The following RAB29 variants were observed in gnomAD, a reference collection of about 807,000 sequenced individuals.
RAB29 encodes the protein ras-related protein Rab-29.
In RAB29, 13 loss-of-function variants were observed where a neutral mutation model predicts 25.5. The ratio of observed to expected loss-of-function variants is 0.51; its 90% CI spans 0.33 to 0.81. The LOEUF is 0.81. Ranked by LOEUF, RAB29 falls within the 30% of genes least tolerant of loss-of-function variation. RAB29 has a pLI of 0.02. For missense variants in RAB29, 201 were observed against 254.9 expected, an observed-to-expected ratio of 0.79 and a Z score of 1.44; for synonymous variants, 88 against 95.0, an observed-to-expected ratio of 0.93 and a Z score of 0.43.
intron 2 of RAB29, among the ~76,000 whole-genome samples, chr1:205,773,326 A>G (rs923478829): frequency 1.5e-4 from 23 of 152,374 alleles, no homozygotes; most frequent in African/African-American, 5.3e-4. Context: ...ACACTGAAAA[A>G]AAAATTAGCC....
chr1:205,772,921 G>T (rs1163823918), intron 2 of RAB29, among the ~76,000 whole-genome samples: 1 of 152,060 alleles, frequency 6.6e-6, no homozygotes, highest in African/African-American at 2.4e-5. Flanking sequence ...AAGGGGTGAT[G>T]GGGGAGAAGG....
intron 4 of RAB29, 130 bp downstream of exon 4, chr1:205,771,342 C>T (rs1490423061): frequency 3.8e-6 from 4 of 1,063,642 alleles, no homozygotes; most frequent in Non-Finnish European, 5.8e-6. Flanking sequence ...CCTCAACATC[C>T]TTTGAAGGAG....
chr1:205,770,587 C>T (rs1654936507), intron 5 of RAB29, 134 bp from the exon 6 acceptor site: 1 of 1,433,444 alleles, frequency 7.0e-7, no homozygotes, highest in East Asian at 2.4e-5. Flanking sequence ...CCAGTTATCT[C>T]AGGAAAGACA....
At position 205,770,752 on chromosome 1, in the gene RAB29, T is replaced by C; in HGVS notation, c.481A>G (p.Asn161Asp). The C allele has an allele frequency of 6.2e-7, 1 of 1,614,214 alleles. No homozygotes were observed. Among genetic ancestry groups the C allele is most frequent in the Non-Finnish European group, 8.5e-7 (1 of 1,180,040 alleles). The part of the protein sequence containing the change: ...WTETSVKENK[N>D]INEAMRVLIE... ...ACTTACCTCATAGCCTCATTAATAT[T>C]TTTGTTCTCCTTGACTGATGTTTCT... The change falls in exon 5 of 6, where the codon AAT (asparagine) becomes GAT (aspartate). Residue 161 changes from asparagine to aspartate, a missense_variant. By Grantham distance (23) the Asn-to-Asp change is conservative. Transcript: ENST00000367139.
Position 205,770,322 on chromosome 1 carries a change from G to A in RAB29, c.*20C>T, listed in dbSNP as rs1654920506. 2.5e-6 allele frequency: 4 copies of A among 1,597,996 alleles called. No homozygotes were observed. The highest frequency in any genetic ancestry group is 3.4e-6 in the Non-Finnish European group (4 of 1,165,500). Reference sequence around the variant, plus strand: ...TTAAAAGACCTCCCAGAACTGGGATGGAAAATAAGCCAAACACTACTAGCA... The same window carrying A: ...TTAAAAGACCTCCCAGAACTGGGATAGAAAATAAGCCAAACACTACTAGCA... On this transcript the variant is annotated 3_prime_UTR_variant, in exon 6 of 6. Coordinates refer to ENST00000367139, the MANE Select transcript of RAB29 (RefSeq NM_003929.3).
In RAB29 at chr1:205,770,741, C is replaced by G. The variant is rs1181435594; in HGVS notation, c.492G>C (p.Glu164Asp). 3 of 1,613,984 alleles carry G rather than the reference C, an allele frequency of 1.9e-6. No homozygotes were observed. The highest frequency in any genetic ancestry group is 2.5e-6 in the Non-Finnish European group (3 of 1,180,018). ...CAGCATGAGCTACTTACCTCATAGCCTCATTAATATTTTTGTTCTCCTTGA... is the reference window on the plus strand; with the variant it reads ...CAGCATGAGCTACTTACCTCATAGCGTCATTAATATTTTTGTTCTCCTTGA... ...TSVKENKNINEAMRVLIEKMM... is the reference protein window; with the variant it reads ...TSVKENKNINDAMRVLIEKMM... Residue 164 changes from glutamate to aspartate, a missense_variant, in exon 5 of 6, where the codon GAG becomes GAC. Glu to Asp is a conservative substitution (Grantham distance 45). Transcript: ENST00000367139.
chr1:205,775,130 T>C (rs1655254164), intron 1 of RAB29, 44 bp from the exon 2 acceptor site: 1 of 839,520 alleles, frequency 1.2e-6, no homozygotes, highest in Middle Eastern at 3.1e-4. Flanking sequence ...GCACTCAACC[T>C]ATACGCGCTT....
chr1:205,770,937 A>T, intron 4 of RAB29, 83 bp from the exon 5 acceptor site: 1 of 1,512,042 alleles, frequency 6.6e-7, no homozygotes, highest in South Asian at 1.2e-5. Flanking sequence ...GTGGATTTTA[A>T]ACATATTTCC....
chr1:205,772,462 C>T, intron 3 of RAB29, 34 bp downstream of exon 3: 2 of 1,595,964 alleles, frequency 1.3e-6, no homozygotes, highest in South Asian at 1.1e-5. Context: ...ATCAAAATTT[C>T]TTCCCTTGTT....
rs536688808 is a variant in RAB29, at chr1:205,774,147, T to G, written c.124+686A>C. ...TTTGAGGAAAAAAGTGGTGGGAAGA[T>G]AGGTCAGAGAAGTGGTATATTTCAC... is the stretch of plus-strand genomic sequence containing the variant. On this transcript the variant is annotated intron_variant, in intron 2 of 5. Transcript: ENST00000367139. Among the ~76,000 whole-genome samples, 10 of 152,364 alleles carry G rather than the reference T, an allele frequency of 6.6e-5. No homozygotes were observed. The South Asian group carries it at 1.2e-3, about 19-fold the overall frequency.
At chr1:205,774,654 G>A (rs1016596470) in intron 2 of RAB29, among the ~76,000 whole-genome samples, 179 bp downstream of exon 2, 9 of 152,174 alleles carry the variant, frequency 5.9e-5, no homozygotes, top group African/African-American at 1.9e-4. Context: ...AAACTCAAGA[G>A]AGGCGTGTAA....
At chr1:205,773,706 T>G (rs1468047303) in intron 2 of RAB29, among the ~76,000 whole-genome samples, 1 of 152,070 alleles carries the variant, frequency 6.6e-6, no homozygotes, top group Admixed American at 6.6e-5. Flanking sequence ...GGTCTTGCCA[T>G]GTTTCCCATG....
rs201948511 is a variant in RAB29, at chr1:205,769,436, CT to C, written c.*905del. The C allele has an allele frequency of 3.4e-5, 5 of 148,958 alleles. No homozygotes were observed. Among genetic ancestry groups the C allele is most frequent in the Admixed American group, 6.7e-5 (1 of 14,932 alleles). 9.2% of individuals were successfully genotyped at this position (148,958 alleles called of 1,614,324 possible). On this transcript the variant is annotated 3_prime_UTR_variant, in exon 6 of 6. Coordinates refer to ENST00000367139, the MANE Select transcript of RAB29 (RefSeq NM_003929.3). ...AGTTTAAAAATGACTATTCTTTTTT[CT>C]TTTTTTTTTGAGACGGAGTCCTTCT... is the stretch of plus-strand genomic sequence containing the variant.
rs1371570918 is a variant in RAB29 at position 205,769,441 on chromosome 1, T to A, written c.*901A>T. 1 of 152,192 alleles carries A rather than the reference T, an allele frequency of 6.6e-6. No individual in the cohort carries two copies. The highest frequency in any genetic ancestry group is 2.4e-5 in the African/African-American group (1 of 41,440). 9.4% of individuals were successfully genotyped at this position (152,192 alleles called of 1,614,324 possible). ...AAAAATGACTATTCTTTTTTCTTTT[T>A]TTTTTGAGACGGAGTCCTTCTCTGT... On this transcript the variant is annotated 3_prime_UTR_variant, in exon 6 of 6. Transcript: ENST00000367139.
chr1:205,771,630 T>C lies in RAB29; in HGVS notation c.220A>G (p.Thr74Ala), dbSNP rs1365041686. Residue 74 changes from threonine to alanine, a missense_variant, in exon 4 of 6, where the codon ACA becomes GCA. Coordinates refer to ENST00000367139, the MANE Select transcript of RAB29 (RefSeq NM_003929.3). ...IAGQERFTSM[T>A]RLYYRDASAC... ...GAGGCATCCCGATAATACAATCGTG[T>C]CATAGAGGTGAAGCGCTCCTGCCCT... 2.5e-6 allele frequency: 4 copies of C among 1,614,116 alleles called. No homozygotes were observed. Among genetic ancestry groups the C allele is most frequent in the African/African-American group, 1.3e-5 (1 of 75,036 alleles).
Position 205,775,476 on chromosome 1 carries a change from T to C in RAB29, c.-334A>G, listed in dbSNP as rs138296837. ...CAAGCGTCACGTGCAGGGTTGCCTG[T>C]GGCACTACATTTCCCAGCTTTCCTC... is the stretch of plus-strand genomic sequence containing the variant. On this transcript the variant is annotated 5_prime_UTR_variant, in exon 1 of 6. Transcript: ENST00000367139. 525 of 153,088 alleles carry C rather than the reference T, an allele frequency of 3.4e-3. 6 individuals are homozygous for C. The highest frequency in any genetic ancestry group is 0.011 in the Admixed American group (175 of 15,346). 9.5% of individuals were successfully genotyped at this position (153,088 alleles called of 1,614,324 possible). A position where few individuals can be genotyped will look rare whatever the true frequency, so the allele number is the denominator to read the frequency against.
chr1:205,772,899 G>A (rs1229545153), intron 2 of RAB29, among the ~76,000 whole-genome samples: 1 of 150,118 alleles, frequency 6.7e-6, no homozygotes, highest in East Asian at 1.9e-4. Flanking sequence ...GATTTAGGGG[G>A]TTTTCTCAGG....
intron 5 of RAB29, 52 bp downstream of exon 5, chr1:205,770,681 G>A (rs1654943345): frequency 2.5e-6 from 4 of 1,611,862 alleles, no homozygotes; most frequent in African/African-American, 1.3e-5. Context: ...GGTCCACAGG[G>A]CCACAGTGGA....
At chr1:205,771,274 G>A in intron 4 of RAB29, 198 bp downstream of exon 4, 1 of 673,084 alleles carries the variant, frequency 1.5e-6, no homozygotes, top group Non-Finnish European at 2.5e-6. Context: ...ACTCCAGCCT[G>A]AGCAACAGAG....
Sources: allele counts gnomAD v4.1 joint callset (sites outside exome capture counted in the v4.1 genomes callset), GRCh38; gene constraint gnomAD v4.1.1; transcripts MANE v1.5; gene names NCBI Gene and HGNC (gene_info 2026-07-23, HGNC 2026-07-21).